Variants in VPS8 observed in about 807,000 individuals in gnomAD.
VPS8 encodes vacuolar protein sorting-associated protein 8 homolog.
A neutral mutation model predicts 216.4 loss-of-function variants in VPS8; 129 were observed. The ratio of observed to expected loss-of-function variants is 0.60; its 90% CI spans 0.52 to 0.69. The LOEUF is 0.69. Ranked by LOEUF, VPS8 falls within the 30% of genes least tolerant of loss-of-function variation. The pLI is 0.00. For missense variants in VPS8, 1,531 were observed against 1,683.5 expected (o/e 0.91, Z 1.59); for synonymous variants, 571 against 565.4 (o/e 1.01, Z -0.14).
At chr3:184,820,800 TTGA>T (rs1209209306) in intron 1 of VPS8, among the ~76,000 whole-genome samples, 2 of 152,196 alleles carry the variant, frequency 1.3e-5, no homozygotes, top group African/African-American at 4.8e-5. Flanking sequence ...TAGACTAATG[TTGA>T]TGTTAAAAAA....
chr3:184,894,765 T>C lies in VPS8; in HGVS notation c.1844T>C (p.Phe615Ser). ...LSENSVAKGV[F>S]LECLEPYILS... ...GAGAATTCAGTGGCCAAAGGAGTAT[T>C]TTTGGAGTGCCTTGAGCCATATATT... The change falls in exon 23 of 48, where the codon TTT becomes TCT. Residue 615 changes from phenylalanine (F) to serine (S), a missense_variant. Around this residue, in one of 3 missense-constraint regions of VPS8, gnomAD observed 1,318 missense variants for 1,468.4 expected, o/e 0.90. Coordinates refer to ENST00000625842, the MANE Select transcript of VPS8 (RefSeq NM_001009921.3). The C allele has an allele frequency of 6.2e-7, 1 of 1,609,928 alleles. No individual in the cohort carries two copies. The highest frequency in any genetic ancestry group is 2.2e-5 in the East Asian group (1 of 44,778).
intron 46 of VPS8, among the ~76,000 whole-genome samples, chr3:185,039,289 G>T (rs1759314519): frequency 1.3e-5 from 2 of 152,012 alleles, no homozygotes; most frequent in Admixed American, 1.3e-4. Context: ...CACTTGTATT[G>T]CTATAAAGGA....
chr3:184,978,065 G>A (rs1749596405), intron 40 of VPS8, among the ~76,000 whole-genome samples: 1 of 151,440 alleles, frequency 6.6e-6, no homozygotes, highest in South Asian at 2.1e-4. Flanking sequence ...TCTGGTCCTG[G>A]CCTTTTTCTC....
intron 18 of VPS8, 82 bp downstream of exon 18, chr3:184,868,141 A>G (rs1727707940): frequency 4.2e-6 from 6 of 1,417,842 alleles, no homozygotes; most frequent in Non-Finnish European, 4.9e-6. Flanking sequence ...TCAGAAGAAG[A>G]TTATTTGGTA....
intron 45 of VPS8, among the ~76,000 whole-genome samples, chr3:185,014,326 G>A (rs981571606): frequency 6.6e-6 from 1 of 152,012 alleles, no homozygotes; most frequent in African/African-American, 2.4e-5. Context: ...GACAGTTGGG[G>A]TCCTCCTCAG....
intron 8 of VPS8, among the ~76,000 whole-genome samples, chr3:184,847,640 A>C (rs1723389077): frequency 6.6e-6 from 1 of 152,214 alleles, no homozygotes; most frequent in Non-Finnish European, 1.5e-5. Flanking sequence ...ATTTTTCTAA[A>C]TAGTTAAATT....
intron 1 of VPS8, chr3:184,817,354 G>A (rs1321872890): frequency 6.6e-6 from 1 of 152,308 alleles, no homozygotes; most frequent in African/African-American, 2.4e-5. Context: ...GGTGAACAAG[G>A]CAGATCTGGT....
In VPS8 at chr3:184,857,332, T is replaced by C. The variant is rs1457119487; in HGVS notation, c.1143+1514T>C. On this transcript the variant is annotated intron_variant, in intron 14 of 47. Coordinates refer to ENST00000625842, the MANE Select transcript of VPS8 (RefSeq NM_001009921.3). ...ACATCCCCAATACAACATTTGAGAGTCCTATCTTTACTTTCAACTCAACAC... is the reference window on the plus strand; with the variant it reads ...ACATCCCCAATACAACATTTGAGAGCCCTATCTTTACTTTCAACTCAACAC... Among the ~76,000 whole-genome samples, 3 of 152,198 alleles carry C rather than the reference T, an allele frequency of 2.0e-5. 1 individual carries two copies. Among genetic ancestry groups the C allele is most frequent in the Non-Finnish European group, 1.5e-5 (1 of 68,026 alleles).
At chr3:185,007,917 G>A (rs1754483906) in intron 45 of VPS8, among the ~76,000 whole-genome samples, 1 of 151,930 alleles carries the variant, frequency 6.6e-6, no homozygotes, top group South Asian at 2.1e-4. Context: ...ACTACACTTG[G>A]AGATTCAGTT....
At chr3:184,956,631 A>C (rs1443536202) in intron 36 of VPS8, among the ~76,000 whole-genome samples, 1 of 152,186 alleles carries the variant, frequency 6.6e-6, no homozygotes, top group Non-Finnish European at 1.5e-5. Context: ...TGAACAGTTG[A>C]TTTCCTAAGC....
intron 15 of VPS8, among the ~76,000 whole-genome samples, chr3:184,861,146 T>C (rs1387262286): frequency 6.6e-6 from 1 of 152,170 alleles, no homozygotes; most frequent in Non-Finnish European, 1.5e-5. Context: ...AAAAGAGATT[T>C]CTTTTTGTAT....
intron 26 of VPS8, 38 bp from the exon 27 acceptor site, chr3:184,914,943 T>C (rs1398572078): frequency 6.3e-7 from 1 of 1,592,998 alleles, no homozygotes. Flanking sequence ...TTATCCCCTT[T>C]ACAAGTCACC....
At chr3:184,855,946 T>C (rs1725173240) in intron 14 of VPS8, 128 bp downstream of exon 14, 1 of 664,710 alleles carries the variant, frequency 1.5e-6, no homozygotes, top group Admixed American at 3.3e-5. Flanking sequence ...ATTTAATTTT[T>C]ATCTAAGGCT....
intron 16 of VPS8, among the ~76,000 whole-genome samples, chr3:184,866,632 A>AAT (rs1457178319): frequency 6.6e-6 from 1 of 152,204 alleles, no homozygotes; most frequent in African/African-American, 2.4e-5. Context: ...CTATAGAAGC[A>AAT]ATATATATAA....
At chr3:184,863,660 A>C (rs1381176723) in intron 16 of VPS8, among the ~76,000 whole-genome samples, 1 of 152,246 alleles carries the variant, frequency 6.6e-6, no homozygotes, top group East Asian at 1.9e-4. Flanking sequence ...AAGCAACTAC[A>C]GTAATGGCCT....
At chr3:184,971,031 T>TGGA (rs1305582149) in intron 39 of VPS8, among the ~76,000 whole-genome samples, 4 of 152,158 alleles carry the variant, frequency 2.6e-5, no homozygotes, top group Non-Finnish European at 5.9e-5. Context: ...GGTTTGTAAA[T>TGGA]GGAGGAGGAG....
intron 40 of VPS8, among the ~76,000 whole-genome samples, chr3:184,975,794 T>C (rs1421160758): frequency 1.3e-5 from 2 of 152,176 alleles, no homozygotes; most frequent in East Asian, 1.9e-4. Context: ...TTTTTCTGAA[T>C]TGATTGAGAT....
At position 184,891,252 on chromosome 3, in the gene VPS8, A is replaced by G. The variant is rs971964967; in HGVS notation, c.1782-3451A>G. ...CTTGTGTTATGTATGCATCTGAACC[A>G]AAAATGTTTCTGTTAAATCCAAAGT... On this transcript the variant is annotated intron_variant, in intron 22 of 47. Coordinates refer to ENST00000625842, the MANE Select transcript of VPS8 (RefSeq NM_001009921.3). 3.3e-5 allele frequency among the ~76,000 whole-genome samples: 5 copies of G among 152,302 alleles called. No individual in the cohort carries two copies. The East Asian group carries it at 9.6e-4, about 29-fold the overall frequency.
At chr3:184,847,940 T>C (rs1039487689) in intron 8 of VPS8, among the ~76,000 whole-genome samples, 3 of 152,136 alleles carry the variant, frequency 2.0e-5, no homozygotes, top group Non-Finnish European at 4.4e-5. Context: ...TGAGATGGAG[T>C]CTTTCTCTGT....
Sources: allele counts gnomAD v4.1 joint callset (sites outside exome capture counted in the v4.1 genomes callset), GRCh38; gene constraint gnomAD v4.1.1; regional missense constraint gnomAD v4.1.1; transcripts MANE v1.5; gene names NCBI Gene and HGNC (gene_info 2026-07-23, HGNC 2026-07-21).